The following ANO9 variants were observed in gnomAD, a reference collection of about 807,000 sequenced individuals.
ANO9 encodes anoctamin 9, also known as anoctamin-9.
Under a neutral mutation model 100.5 loss-of-function variants are expected in ANO9, and 80 were observed. That is an observed-to-expected ratio of 0.80 (90% CI 0.66 to 0.96). The LOEUF (loss-of-function observed/expected upper bound fraction) is 0.96, where lower values mean the gene tolerates loss of function less well. Among genes scored for constraint, ANO9 ranks in the 40% least tolerant of loss-of-function variants. The probability of loss-of-function intolerance (pLI) is 0.00; values close to 1 mark genes in which losing one functional copy is unlikely to be tolerated. For synonymous variants in ANO9, 473 were observed against 435.6 expected (o/e 1.09, Z -1.07); for missense variants, 1,064 against 1,072.7 (o/e 0.99, Z 0.11).
intron 11 of ANO9, 73 bp from the exon 12 acceptor site, chr11:428,899 C>A: frequency 7.0e-7 from 1 of 1,428,266 alleles, no homozygotes; most frequent in South Asian, 1.2e-5. Context: ...CACAGAGACA[C>A]ACCTCACGGG....
intron 1 of ANO9, among the ~76,000 whole-genome samples, chr11:435,563 A>AGTATT (rs1390928830): frequency 7.4e-6 from 1 of 134,816 alleles, no homozygotes; most frequent in Non-Finnish European, 1.6e-5. Flanking sequence ...AGTCTAGTCT[A>AGTATT]GTCTAGTATA....
At chr11:419,121 G>A in intron 20 of ANO9, 132 bp from the exon 21 acceptor site, 2 of 1,500,432 alleles carry the variant, frequency 1.3e-6, no homozygotes, top group Non-Finnish European at 1.8e-6. Context: ...GCGTCCAGTG[G>A]GACGGGGCTC....
At chr11:431,631 G>T in intron 7 of ANO9, 63 bp downstream of exon 7, 1 of 1,580,638 alleles carries the variant, frequency 6.3e-7, no homozygotes, top group Non-Finnish European at 8.6e-7. Context: ...GCGGGTATCT[G>T]GGGGCGTCCG....
At position 420,809 on chromosome 11, in the gene ANO9, C is replaced by T; in HGVS notation, c.1542G>A (p.Leu514=). 1.3e-6 allele frequency: 2 copies of T among 1,595,004 alleles called. No homozygotes were observed. Among genetic ancestry groups the T allele is most frequent in the Non-Finnish European group, 1.7e-6 (2 of 1,174,100 alleles). The change falls in exon 18 of 23, where the codon CTG becomes CTA. Residue 514 remains leucine (L), a synonymous_variant. Transcript: ENST00000332826. ...RSLRASESGH[L]PRDPELRDWR... ...AGTCCCTGAGCTCGGGGTCCCGGGG[C>T]AGGTGCCCGGACTCGGAGGCCCGCA... is the stretch of plus-strand genomic sequence containing the variant.
At chr11:428,437 GA>G in intron 13 of ANO9, 37 bp downstream of exon 13, 2 of 1,612,552 alleles carry the variant, frequency 1.2e-6, no homozygotes, top group Non-Finnish European at 1.7e-6. Flanking sequence ...GGCTCCGGTG[GA>G]CCCCCCAGCT....
rs1048375548 is a variant in ANO9, at chr11:420,717, C to T, written c.1633+1G>A. On this transcript the variant is annotated splice_donor_variant, in intron 18 of 22. Transcript: ENST00000332826. LOFTEE classifies it high-confidence loss of function. ...ACCCCCGCCCCGCAGCGCCCACGCA[C>T]TCATCTCCATGAACTCGTCGAACAG... The T allele has an allele frequency of 1.9e-6, 3 of 1,607,624 alleles. No homozygotes were observed. Among genetic ancestry groups the T allele is most frequent in the African/African-American group, 2.7e-5 (2 of 74,854 alleles).
intron 9 of ANO9, 57 bp from the exon 10 acceptor site, chr11:429,875 G>A: frequency 6.8e-7 from 1 of 1,469,976 alleles, no homozygotes; most frequent in South Asian, 1.3e-5. Context: ...AGGGGGGCAG[G>A]TGAGCCAGGG....
intron 19 of ANO9, chr11:420,084 TC>T: frequency 7.6e-7 from 1 of 1,311,398 alleles, no homozygotes. Flanking sequence ...TCTCTCCCTT[TC>T]CCCACATCCA....
chr11:438,381 G>C (rs1845545184), intron 1 of ANO9, among the ~76,000 whole-genome samples: 1 of 116,708 alleles, frequency 8.6e-6, no homozygotes. Flanking sequence ...CCAGACAGGT[G>C]TAGCCCCCCC....
Position 419,735 on chromosome 11 carries a change from C to T in ANO9, c.1787-6G>A, listed in dbSNP as rs751223055. On this transcript the variant is annotated splice_region_variant and splice_polypyrimidine_tract_variant and intron_variant, in intron 19 of 22. Transcript: ENST00000332826. ...CAGCACCTGCAGCCAGGTCCCTGCA[C>T]CAGAGCAGTGGGCAAGCGGTCTGAC... 3.1e-6 allele frequency: 5 copies of T among 1,596,592 alleles called. No homozygotes were observed. Among genetic ancestry groups the T allele is most frequent in the Middle Eastern group, 1.7e-4 (1 of 5,752 alleles).
chr11:418,420 G>C lies in ANO9; in HGVS notation c.2300C>G (p.Ala767Gly). The C allele has an allele frequency of 1.2e-6, 2 of 1,612,484 alleles. No individual in the cohort carries two copies. The highest frequency in any genetic ancestry group is 1.7e-6 in the Non-Finnish European group (2 of 1,179,804). Residue 767 changes from alanine to glycine, a missense_variant, in exon 23 of 23, where the codon GCC becomes GGC. Ala to Gly is a moderately conservative substitution (Grantham distance 60). Coordinates refer to ENST00000332826, the MANE Select transcript of ANO9 (RefSeq NM_001012302.3). ...GAAGATGGATGCTGGGGTGGGATGG[G>C]CAGGCATTGGGGGCCGAGAGCCTGC... ...VGAGSRPPMP[A>G]HPTPASIFSA...
Position 432,877 on chromosome 11 carries a change from G to C in ANO9, c.350+437C>G, listed in dbSNP as rs1163732818. 6.0e-6 allele frequency: 1 copy of C among 166,944 alleles called. No individual in the cohort carries two copies. Among genetic ancestry groups the C allele is most frequent in the Non-Finnish European group, 1.3e-5 (1 of 78,468 alleles). 10.3% of individuals were successfully genotyped at this position (166,944 alleles called of 1,614,324 possible). On this transcript the variant is annotated intron_variant, in intron 4 of 22. Transcript: ENST00000332826. This position sits in a 1 kb window ranked among gnomAD's most constrained non-coding sequence, Gnocchi z 4.8. ...GACTGGGGAGAAGCAGGGCCTTAGGGAGCGAGGAGGGTGTCCCTGCTGGGC... is the reference window on the plus strand; with the variant it reads ...GACTGGGGAGAAGCAGGGCCTTAGGCAGCGAGGAGGGTGTCCCTGCTGGGC...
intron 3 of ANO9, 122 bp downstream of exon 3, chr11:433,693 C>T (rs369587364): frequency 2.2e-4 from 319 of 1,444,126 alleles, no homozygotes; most frequent in Non-Finnish European, 2.6e-4. Context: ...CCCTCCGTGC[C>T]GCCATGACCG....
chr11:439,672 G>A (rs577059769), intron 1 of ANO9, among the ~76,000 whole-genome samples: 2 of 147,066 alleles, frequency 1.4e-5, no homozygotes, highest in South Asian at 2.2e-4. Context: ...TTACAGTTTC[G>A]TCATCCACAG....
intron 19 of ANO9, chr11:420,005 C>T: frequency 7.4e-7 from 1 of 1,358,842 alleles, no homozygotes; most frequent in Non-Finnish European, 9.5e-7. Context: ...AGCCACTCCA[C>T]CTCCTGGGTT....
Position 431,869 on chromosome 11 carries a change from C to T in ANO9, c.444G>A (p.Glu148=), listed in dbSNP as rs1242385981. 3.7e-6 allele frequency: 6 copies of T among 1,610,608 alleles called. No homozygotes were observed. The African/African-American group carries it at 8.0e-5, about 22-fold the overall frequency. ...TCACCTTGTGCAGGGGGAACCTGGC[C>T]TCAAAGACCCCGTCCTTCATCAGAT... ...FEDLMKDGVF[E]ARFPLHKGEG... is the part of the protein sequence containing the mutation. The change falls in exon 6 of 23, where the codon GAG becomes GAA. Residue 148 remains glutamate (E), a synonymous_variant. Coordinates refer to ENST00000332826, the MANE Select transcript of ANO9 (RefSeq NM_001012302.3).
At position 432,301 on chromosome 11, in the gene ANO9, C is replaced by T. The variant is rs1371413512; in HGVS notation, c.351-247G>A. ...GATGAGGCTGGGCTGGGGGCTCCTT[C>T]TCCTCCCAGCCCGTCCCTCCCAGAA... On this transcript the variant is annotated intron_variant, in intron 4 of 22. Transcript: ENST00000332826. The surrounding 1 kb of genome is among the most constrained non-coding windows in gnomAD (Gnocchi z 4.8). 3.7e-6 allele frequency: 2 copies of T among 546,288 alleles called. No homozygotes were observed. The highest frequency in any genetic ancestry group is 3.2e-5 in the Admixed American group (1 of 31,554). 33.8% of individuals were successfully genotyped at this position (546,288 alleles called of 1,614,324 possible). A position where few individuals can be genotyped will look rare whatever the true frequency, so the allele number is the denominator to read the frequency against.
chr11:440,207 G>A lies in ANO9; in HGVS notation c.6+1714C>T, dbSNP rs1040498562. ...TGGTGACTCAGCACTCGGCACCTAC[G>A]GAAACTGAGTCCAGGGACTCAGTCC... is the stretch of plus-strand genomic sequence containing the variant. On this transcript the variant is annotated intron_variant, in intron 1 of 22. Coordinates refer to ENST00000332826, the MANE Select transcript of ANO9 (RefSeq NM_001012302.3). Among the ~76,000 whole-genome samples, 48 of 152,262 alleles carry A rather than the reference G, an allele frequency of 3.2e-4. 1 individual carries two copies. The highest frequency in any genetic ancestry group is 9.4e-4 in the African/African-American group (39 of 41,530).
At position 428,474 on chromosome 11, in the gene ANO9, C is replaced by T. The variant is rs1848661705; in HGVS notation, c.1185+1G>A. The T allele has an allele frequency of 5.0e-6, 8 of 1,612,334 alleles. No individual in the cohort carries two copies. The highest frequency in any genetic ancestry group is 2.2e-5 in the South Asian group (2 of 91,058). On this transcript the variant is annotated splice_donor_variant, in intron 13 of 22. Coordinates refer to ENST00000332826, the MANE Select transcript of ANO9 (RefSeq NM_001012302.3). LOFTEE classifies it high-confidence loss of function. ...CGGGCCTGCCCTGCTCCCGGCCCCA[C>T]CTTGGTCATGATGATGATGGTCACA...
Sources: allele counts gnomAD v4.1 joint callset (sites outside exome capture counted in the v4.1 genomes callset), GRCh38; gene constraint gnomAD v4.1.1; non-coding constraint Gnocchi (gnomAD v3.1); transcripts MANE v1.5; gene names NCBI Gene and HGNC (gene_info 2026-07-23, HGNC 2026-07-21).